The following UCN3 variants were observed in gnomAD, a reference collection of about 807,000 sequenced individuals.
UCN3 encodes urocortin 3, also known as urocortin-3.
A neutral mutation model predicts 3.6 loss-of-function variants in UCN3; 3 were observed. That is an observed-to-expected ratio of 0.83 (90% CI 0.38 to 2.15). The LOEUF is 2.15. Among genes scored for constraint, UCN3 ranks in the 30% most tolerant of loss-of-function variants. UCN3 has a pLI of 0.06. For synonymous variants in UCN3, 100 were observed against 93.2 expected, an observed-to-expected ratio of 1.07 and a Z score of -0.42; for missense variants, 206 against 208.3, an observed-to-expected ratio of 0.99 and a Z score of 0.07.
At chr10:5,370,602 TGC>T (rs1831378145) in intron 1 of UCN3, among the ~76,000 whole-genome samples, 1 of 121,096 alleles carries the variant, frequency 8.3e-6, no homozygotes, top group East Asian at 2.8e-4. Flanking sequence ...TGTGTGTGTA[TGC>T]GTGTGTATAT....
chr10:5,367,977 T>A lies in UCN3; in HGVS notation c.-7+2747T>A, dbSNP rs12250785. ...GGGAGGCCTGAGGGTAGCTCCAGGG[T>A]TGCATCTCAGCACCCTCTAATTTTT... On this transcript the variant is annotated intron_variant, in intron 1 of 1. Transcript: ENST00000380433. This position sits in a 1 kb window ranked among gnomAD's most constrained non-coding sequence, Gnocchi z 4.3. Among the ~76,000 whole-genome samples, 94,478 of 151,796 alleles carry A rather than the reference T, an allele frequency of 0.62. 29,763 individuals carry two copies. Among genetic ancestry groups the A allele is most frequent in the African/African-American group, 0.72 (29,705 of 41,370 alleles).
At position 5,374,256 on chromosome 10, in the gene UCN3, GGGAGGGGAGGGCGA is replaced by G; in HGVS notation, c.*53_*66del. 2.1e-6 allele frequency: 1 copy of G among 485,044 alleles called. No individual in the cohort carries two copies. The highest frequency in any genetic ancestry group is 2.2e-5 in the South Asian group (1 of 46,454). 30.0% of individuals were successfully genotyped at this position (485,044 alleles called of 1,614,324 possible). A position where few individuals can be genotyped will look rare whatever the true frequency, so the allele number is the denominator to read the frequency against. ...GCGGGGTGGGGAGGGGGAGGGGAGG[GGGAGGGGAGGGCGA>G]GGGGGGGAGGGGAGGGGGAGGGTGC... On this transcript the variant is annotated 3_prime_UTR_variant, in exon 2 of 2. Coordinates refer to ENST00000380433, the MANE Select transcript of UCN3 (RefSeq NM_053049.4).
In UCN3 at chr10:5,370,223, G is replaced by GTGTGTGTA. The variant is rs781842004; in HGVS notation, c.-6-3490_-6-3489insTGTGTATG. Among the ~76,000 whole-genome samples the GTGTGTGTA allele has an allele frequency of 2.9e-4, 4 of 13,762 alleles. 1 individual carries two copies. Among genetic ancestry groups the GTGTGTGTA allele is most frequent in the Non-Finnish European group, 4.4e-4 (4 of 9,042 alleles). 9.0% of individuals were successfully genotyped at this position (13,762 alleles called of 152,430 possible). A position where few individuals can be genotyped will look rare whatever the true frequency, so the allele number is the denominator to read the frequency against. Reference sequence around the variant, plus strand: ...TATATGCGTGTGTATGTGTGTGTATGTGCGTGTGTGTATGCGTGTGTGTAT... The same window carrying GTGTGTGTA: ...TATATGCGTGTGTATGTGTGTGTATGTGTGTGTATGCGTGTGTGTATGCGTGTGTGTAT... On this transcript the variant is annotated intron_variant, in intron 1 of 1. Transcript: ENST00000380433.
chr10:5,371,756 G>A (rs7474615), intron 1 of UCN3, among the ~76,000 whole-genome samples: 10 of 152,308 alleles, frequency 6.6e-5, no homozygotes, highest in African/African-American at 2.4e-4. Flanking sequence ...GCTGCTGAAG[G>A]CCCAGGCGAA....
In UCN3 at chr10:5,370,626, CGTGTGTATGT is replaced by C. The variant is rs1459898856; in HGVS notation, c.-6-3080_-6-3071del. 6.3e-3 allele frequency among the ~76,000 whole-genome samples: 144 copies of C among 22,790 alleles called. 16 individuals are homozygous for C. The highest frequency in any genetic ancestry group is 4.9e-3 in the Non-Finnish European group (59 of 12,140). 15.0% of individuals were successfully genotyped at this position (22,790 alleles called of 152,430 possible). ...ATGCGTGTGTATATGCGTGTATATG[CGTGTGTATGT>C]GTGTGTATATGTGTGTGTATGTGTG... On this transcript the variant is annotated intron_variant, in intron 1 of 1. Coordinates refer to ENST00000380433, the MANE Select transcript of UCN3 (RefSeq NM_053049.4).
At chr10:5,369,959 GTA>G (rs201903630) in intron 1 of UCN3, among the ~76,000 whole-genome samples, 9 of 127,066 alleles carry the variant, frequency 7.1e-5, no homozygotes, top group African/African-American at 1.8e-4. Context: ...ATATGTGTGT[GTA>G]TATGCGTGTG....
intron 1 of UCN3, among the ~76,000 whole-genome samples, chr10:5,370,248 TGC>T (rs1281204526): frequency 9.8e-6 from 1 of 101,976 alleles, no homozygotes; most frequent in Non-Finnish European, 1.9e-5. Context: ...CGTGTGTGTA[TGC>T]GTGTGTATAT....
In UCN3 at chr10:5,365,237, T is replaced by C. The variant is rs1554810634; in HGVS notation, c.-7+7T>C. ...GAGGGAAGTCCACTCTCGGGTAAGCTTGTGGCTGGGACTGACTTATGAAGG... is the reference window on the plus strand; with the variant it reads ...GAGGGAAGTCCACTCTCGGGTAAGCCTGTGGCTGGGACTGACTTATGAAGG... On this transcript the variant is annotated splice_region_variant and intron_variant, in intron 1 of 1. Transcript: ENST00000380433. This position sits in a 1 kb window ranked among gnomAD's most constrained non-coding sequence, Gnocchi z 4.4. The C allele has an allele frequency of 6.6e-6, 1 of 152,358 alleles. No individual in the cohort carries two copies. The highest frequency in any genetic ancestry group is 1.5e-5 in the Non-Finnish European group (1 of 68,178). The allele number at this position is 152,358 out of a possible 1,614,324, so 9.4% of individuals were successfully genotyped here. A position where few individuals can be genotyped will look rare whatever the true frequency, so the allele number is the denominator to read the frequency against.
intron 1 of UCN3, among the ~76,000 whole-genome samples, chr10:5,372,556 C>A (rs968440973): frequency 8.6e-5 from 13 of 151,932 alleles, no homozygotes; most frequent in Non-Finnish European, 4.4e-5. Context: ...GGGTTTTTTT[C>A]TTTTCTTTTT....
chr10:5,367,366 A>G lies in UCN3; in HGVS notation c.-7+2136A>G, dbSNP rs1263336313. ...TTTTTCCTCTGTGATACGTAACAAC[A>G]TGATTTGCAGAGAGAATGTACATCC... On this transcript the variant is annotated intron_variant, in intron 1 of 1. Transcript: ENST00000380433. The surrounding 1 kb of genome is among the most constrained non-coding windows in gnomAD (Gnocchi z 4.3). Among the ~76,000 whole-genome samples, 6 of 152,252 alleles carry G rather than the reference A, an allele frequency of 3.9e-5. No individual in the cohort carries two copies. The highest frequency in any genetic ancestry group is 7.2e-5 in the African/African-American group (3 of 41,472).
At chr10:5,371,622 T>A (rs1022323965) in intron 1 of UCN3, among the ~76,000 whole-genome samples, 3 of 152,106 alleles carry the variant, frequency 2.0e-5, no homozygotes, top group Admixed American at 6.5e-5. Context: ...AATGGCCTCG[T>A]CAAGGCCACA....
At chr10:5,369,450 G>GA (rs1831302495) in intron 1 of UCN3, among the ~76,000 whole-genome samples, 4 of 152,194 alleles carry the variant, frequency 2.6e-5, no homozygotes, top group African/African-American at 9.7e-5. Context: ...TCATGAGGTG[G>GA]TTATTGCCAT....
At position 5,374,270 on chromosome 10, in the gene UCN3, A is replaced by AGGGGGGGAGGGGGGGGCGAG. The variant is rs1831474361; in HGVS notation, c.*76_*77insGGGGCGAGGGGGGGGAGGGG. 1 of 14,372 alleles carries AGGGGGGGAGGGGGGGGCGAG rather than the reference A, an allele frequency of 7.0e-5. No homozygotes were observed. Among genetic ancestry groups the AGGGGGGGAGGGGGGGGCGAG allele is most frequent in the Admixed American group, 1.1e-3 (1 of 888 alleles). 0.9% of individuals were successfully genotyped at this position (14,372 alleles called of 1,614,324 possible). On this transcript the variant is annotated 3_prime_UTR_variant, in exon 2 of 2. Transcript: ENST00000380433. ...GGGAGGGGAGGGGGAGGGGAGGGCGAGGGGGGGAGGGGAGGGGGAGGGTGC... is the reference window on the plus strand; with the variant it reads ...GGGAGGGGAGGGGGAGGGGAGGGCGAGGGGGGGAGGGGGGGGCGAGGGGGGGGAGGGGAGGGGGAGGGTGC...
In UCN3 at chr10:5,370,862, C is replaced by CGTGTGTGTGTGTGT. The variant is rs1319076011; in HGVS notation, c.-6-2847_-6-2846insGTGTGTGTGTGTGT. Among the ~76,000 whole-genome samples the CGTGTGTGTGTGTGT allele has an allele frequency of 4.4e-5, 2 of 45,332 alleles. 1 individual carries two copies. Among genetic ancestry groups the CGTGTGTGTGTGTGT allele is most frequent in the African/African-American group, 1.9e-4 (2 of 10,372 alleles). The allele number at this position is 45,332 out of a possible 152,430, so 29.7% of individuals were successfully genotyped here. On this transcript the variant is annotated intron_variant, in intron 1 of 1. Transcript: ENST00000380433. ...GCGCGTGTGTGTGCGCGTGTGTGTGCGTGTGTATGTGTGTGTATATGCGTG... is the reference window on the plus strand; with the variant it reads ...GCGCGTGTGTGTGCGCGTGTGTGTGCGTGTGTGTGTGTGTGTGTGTATGTGTGTGTATATGCGTG...
rs1359959986 is a variant in UCN3 at position 5,370,005 on chromosome 10, G to GTATGTGTGTGTA, written c.-6-3693_-6-3682dup. On this transcript the variant is annotated intron_variant, in intron 1 of 1. Transcript: ENST00000380433. ...TGTGTATATGTGTGTATGTGTGTGT[G>GTATGTGTGTGTA]TATGTGTGTGTATATGTGTGTGTAT... 6.6e-3 allele frequency among the ~76,000 whole-genome samples: 208 copies of GTATGTGTGTGTA among 31,640 alleles called. 27 individuals are homozygous for GTATGTGTGTGTA. Among genetic ancestry groups the GTATGTGTGTGTA allele is most frequent in the Admixed American group, 0.02 (57 of 2,790 alleles). The allele number at this position is 31,640 out of a possible 152,430, so 20.8% of individuals were successfully genotyped here.
rs781873722 is a variant in UCN3 at position 5,370,633 on chromosome 10, A to ATG, written c.-6-3074_-6-3073dup. Among the ~76,000 whole-genome samples, 2 of 64,018 alleles carry ATG rather than the reference A, an allele frequency of 3.1e-5. 1 individual carries two copies. The highest frequency in any genetic ancestry group is 5.7e-5 in the Non-Finnish European group (2 of 35,122). 42.0% of individuals were successfully genotyped at this position (64,018 alleles called of 152,430 possible). A position where few individuals can be genotyped will look rare whatever the true frequency, so the allele number is the denominator to read the frequency against. On this transcript the variant is annotated intron_variant, in intron 1 of 1. Transcript: ENST00000380433. ...TGTATATGCGTGTATATGCGTGTGT[A>ATG]TGTGTGTGTATATGTGTGTGTATGT...
chr10:5,370,810 T>C lies in UCN3; in HGVS notation c.-6-2905T>C, dbSNP rs377678657. On this transcript the variant is annotated intron_variant, in intron 1 of 1. Coordinates refer to ENST00000380433, the MANE Select transcript of UCN3 (RefSeq NM_053049.4). ...GTGTGTATGCGTGTGTATATGTGTGTGTGCGTGTGTGTGCGCGCGTGTGTG... is the reference window on the plus strand; with the variant it reads ...GTGTGTATGCGTGTGTATATGTGTGCGTGCGTGTGTGTGCGCGCGTGTGTG... 1.5e-4 allele frequency among the ~76,000 whole-genome samples: 20 copies of C among 130,082 alleles called. 3 individuals are homozygous for C. The South Asian group carries it at 4.7e-3, about 31-fold the overall frequency. 85.3% of individuals were successfully genotyped at this position (130,082 alleles called of 152,430 possible).
chr10:5,366,082 G>A lies in UCN3; in HGVS notation c.-7+852G>A, dbSNP rs572272942. Among the ~76,000 whole-genome samples, 9 of 152,300 alleles carry A rather than the reference G, an allele frequency of 5.9e-5. No individual in the cohort carries two copies. Among genetic ancestry groups the A allele is most frequent in the Non-Finnish European group, 1.2e-4 (8 of 68,020 alleles). On this transcript the variant is annotated intron_variant, in intron 1 of 1. Transcript: ENST00000380433. This position sits in a 1 kb window ranked among gnomAD's most constrained non-coding sequence, Gnocchi z 4.2. ...TTATCAGTGTTTGCAGACAAACGGA[G>A]CCCACAGGAATAGCTCTGCACTTGG... is the stretch of plus-strand genomic sequence containing the variant.
rs1047926783 is a variant in UCN3, at chr10:5,367,827, C to T, written c.-7+2597C>T. On this transcript the variant is annotated intron_variant, in intron 1 of 1. Transcript: ENST00000380433. This position sits in a 1 kb window ranked among gnomAD's most constrained non-coding sequence, Gnocchi z 4.3. ...TGAGGGTAAATGCAGAATGCTGCCC[C>T]GGGAAGGAAATAGAAAGGAGCAGGG... 4.6e-5 allele frequency among the ~76,000 whole-genome samples: 7 copies of T among 151,982 alleles called. No homozygotes were observed. The highest frequency in any genetic ancestry group is 1.9e-4 in the East Asian group (1 of 5,174).
Sources: gnomAD v4.1 joint callset for allele counts (sites outside exome capture counted in the v4.1 genomes callset) on GRCh38, gnomAD v4.1.1 for gene constraint, Gnocchi (gnomAD v3.1) non-coding constraint, MANE v1.5 for transcripts, NCBI Gene and HGNC (gene_info 2026-07-23, HGNC 2026-07-21) for gene names.